The following PRKACB variants were observed in gnomAD, a reference collection of about 807,000 sequenced individuals.
PRKACB encodes protein kinase cAMP-activated catalytic subunit beta.
PRKACB carries 16 observed loss-of-function variants against 51.4 expected under a neutral mutation model. The ratio of observed to expected loss-of-function variants is 0.31; its 90% CI spans 0.21 to 0.47. The LOEUF is 0.47. Among genes scored for constraint, PRKACB ranks in the 20% least tolerant of loss-of-function variants. The pLI, the probability that PRKACB is intolerant of heterozygous loss-of-function variation, is 1.00. For synonymous variants in PRKACB, 147 were observed against 154.4 expected (o/e 0.95, Z 0.35); for missense variants, 309 against 464.5 (o/e 0.67, Z 3.08).
At chr1:84,234,391 G>A (rs1330125623) in intron 9 of PRKACB, among the ~76,000 whole-genome samples, 3 of 152,224 alleles carry the variant, frequency 2.0e-5, no homozygotes, top group Non-Finnish European at 4.4e-5. Flanking sequence ...TGCCCCCAGA[G>A]GTGGAGCTTA....
intron 1 of PRKACB, among the ~76,000 whole-genome samples, chr1:84,112,517 G>T (rs549816982): frequency 6.6e-6 from 1 of 152,208 alleles, no homozygotes; most frequent in East Asian, 1.9e-4. Context: ...GATTACAGGC[G>T]TGAGCCAACA....
At chr1:84,170,739 G>A (rs1475854694) in intron 1 of PRKACB, among the ~76,000 whole-genome samples, 3 of 151,568 alleles carry the variant, frequency 2.0e-5, no homozygotes, top group Non-Finnish European at 4.4e-5. Context: ...ACTAGACATA[G>A]TAAAATTATC....
intron 1 of PRKACB, among the ~76,000 whole-genome samples, chr1:84,129,622 T>A (rs1651975274): frequency 6.6e-6 from 1 of 152,172 alleles, no homozygotes; most frequent in Non-Finnish European, 1.5e-5. Context: ...TATTATTAAA[T>A]TATTAAAATC....
chr1:84,190,055 T>G (rs940437641), intron 5 of PRKACB, among the ~76,000 whole-genome samples: 1 of 151,944 alleles, frequency 6.6e-6, no homozygotes, highest in South Asian at 2.1e-4. Flanking sequence ...CCTCCGTTTT[T>G]GGAACAGCCA....
At chr1:84,183,526 T>C (rs1019836641) in intron 3 of PRKACB, among the ~76,000 whole-genome samples, 2 of 151,802 alleles carry the variant, frequency 1.3e-5, no homozygotes, top group Admixed American at 6.6e-5. Context: ...TTTTCAGTTA[T>C]GGACTTTCTC....
chr1:84,126,188 G>C (rs1230148274), intron 1 of PRKACB, among the ~76,000 whole-genome samples: 1 of 152,200 alleles, frequency 6.6e-6, no homozygotes, highest in Non-Finnish European at 1.5e-5. Context: ...GTGTTTAACA[G>C]ATCAGTGGAG....
At chr1:84,197,613 T>G in intron 6 of PRKACB, 116 bp from the exon 7 acceptor site, 1 of 647,832 alleles carries the variant, frequency 1.5e-6, no homozygotes, top group Non-Finnish European at 2.5e-6. Context: ...GGACTTAATT[T>G]TTTTTCCATT....
intron 1 of PRKACB, among the ~76,000 whole-genome samples, chr1:84,099,849 A>G (rs1346987625): frequency 1.3e-5 from 2 of 152,156 alleles, no homozygotes; most frequent in Non-Finnish European, 2.9e-5. Context: ...CTCAATAAAT[A>G]GTAGCTATTG....
chr1:84,195,764 T>C (rs1668047374), intron 5 of PRKACB, among the ~76,000 whole-genome samples: 1 of 151,878 alleles, frequency 6.6e-6, no homozygotes, highest in African/African-American at 2.4e-5. Context: ...AATACAAAAA[T>C]TAGCCGGGCA....
intron 1 of PRKACB, among the ~76,000 whole-genome samples, chr1:84,134,388 T>G (rs1652579238): frequency 6.6e-6 from 1 of 152,202 alleles, no homozygotes. Flanking sequence ...TTCTGCCTCC[T>G]GTTCCTACCA....
chr1:84,149,868 C>T (rs757200582), intron 1 of PRKACB, among the ~76,000 whole-genome samples: 1 of 151,972 alleles, frequency 6.6e-6, no homozygotes, highest in South Asian at 2.1e-4. Flanking sequence ...ACATGCATAT[C>T]TTTTTGGAGT....
intron 1 of PRKACB, among the ~76,000 whole-genome samples, chr1:84,138,548 A>T (rs746898335): frequency 1.3e-5 from 2 of 152,126 alleles, no homozygotes; most frequent in Non-Finnish European, 2.9e-5. Flanking sequence ...AAAATCAAAA[A>T]CAAAAACGAA....
chr1:84,225,551 G>A (rs190949937), intron 9 of PRKACB, among the ~76,000 whole-genome samples: 3 of 152,280 alleles, frequency 2.0e-5, no homozygotes, highest in Admixed American at 1.3e-4. Context: ...CAGGTGTATA[G>A]AGATGCATAC....
chr1:84,145,889 T>A (rs1653988716), intron 1 of PRKACB, among the ~76,000 whole-genome samples: 1 of 152,034 alleles, frequency 6.6e-6, no homozygotes, highest in Non-Finnish European at 1.5e-5. Flanking sequence ...AATTTAAAGT[T>A]AAATGAGGAA....
At chr1:84,195,845 G>T (rs754800100) in intron 5 of PRKACB, among the ~76,000 whole-genome samples, 5 of 151,546 alleles carry the variant, frequency 3.3e-5, no homozygotes, top group African/African-American at 1.2e-4. Context: ...CCCAGGAGGC[G>T]GAGTTTGCAG....
rs1343290498 is a variant in PRKACB, at chr1:84,159,156, TTG to T, written c.187+14610_187+14611del. Among the ~76,000 whole-genome samples the T allele has an allele frequency of 1.2e-4, 19 of 152,254 alleles. No individual in the cohort carries two copies. In the East Asian group the frequency reaches 3.7e-3, roughly 29 times the overall value. On this transcript the variant is annotated intron_variant, in intron 1 of 9. Coordinates refer to ENST00000370685, the MANE Select transcript of PRKACB (RefSeq NM_182948.4). ...TTTTCATATAAATTTCTGGATCAAT[TTG>T]TCAGTTTCTAAAGAAAAGCTTTATT...
chr1:84,185,138 T>G lies in PRKACB; in HGVS notation c.516T>G (p.Pro172=). The change falls in exon 5 of 10, where the codon CCT becomes CCG. Residue 172 remains proline (P), a synonymous_variant. Transcript: ENST00000370685. Reference sequence around the variant, plus strand: ...TATACATGGTTATGGAATATGTCCCTGGGGGTGAAATGTTTTCACATCTAA... The same window carrying G: ...TATACATGGTTATGGAATATGTCCCGGGGGGTGAAATGTTTTCACATCTAA... ...SNLYMVMEYV[P]GGEMFSHLRR... 1 of 1,508,456 alleles carries G rather than the reference T, an allele frequency of 6.6e-7. No homozygotes were observed. The highest frequency in any genetic ancestry group is 8.8e-7 in the Non-Finnish European group (1 of 1,132,428). The allele number at this position is 1,508,456 out of a possible 1,614,324, so 93.4% of individuals were successfully genotyped here.
intron 1 of PRKACB, among the ~76,000 whole-genome samples, chr1:84,130,392 A>G (rs1652067143): frequency 6.6e-6 from 1 of 152,064 alleles, no homozygotes; most frequent in African/African-American, 2.4e-5. Context: ...CAAGTACCTC[A>G]AATTATGAGA....
intron 1 of PRKACB, among the ~76,000 whole-genome samples, chr1:84,084,001 G>A (rs1299111161): frequency 1.3e-5 from 2 of 152,148 alleles, no homozygotes; most frequent in African/African-American, 4.8e-5. Flanking sequence ...CCAGAAGGGG[G>A]AAGATAGACA....
Sources: gnomAD v4.1 joint callset for allele counts (sites outside exome capture counted in the v4.1 genomes callset) on GRCh38, gnomAD v4.1.1 for gene constraint, MANE v1.5 for transcripts, NCBI Gene and HGNC (gene_info 2026-07-23, HGNC 2026-07-21) for gene names.